The following RORA variants were observed in gnomAD, a reference collection of about 807,000 sequenced individuals.
RORA encodes the protein RAR related orphan receptor A.
In RORA, 7 loss-of-function variants were observed where a neutral mutation model predicts 69.5. The observed-to-expected ratio is 0.10, with a 90% CI of 0.06 to 0.19. The LOEUF (loss-of-function observed/expected upper bound fraction) is 0.19. Ranked by LOEUF, RORA falls within the 10% of genes least tolerant of loss-of-function variation. The pLI is 1.00. For synonymous variants in RORA, 261 were observed against 240.8 expected (o/e 1.08, Z -0.78); for missense variants, 457 against 663.0 (o/e 0.69, Z 3.41).
chr15:60,911,859 G>GTTTT lies in RORA; in HGVS notation c.167-233177_167-233174dup, dbSNP rs35017718. On this transcript the variant is annotated intron_variant, in intron 1 of 10. Coordinates refer to ENST00000335670, the MANE Select transcript of RORA (RefSeq NM_134261.3). ...GGATTACAGACGTGCACCTGGCTAA[G>GTTTT]TTTTTTTTTTTTTGTATTTTTACAA... Among the ~76,000 whole-genome samples the GTTTT allele has an allele frequency of 7.7e-3, 1,106 of 144,190 alleles. 10 individuals are homozygous for GTTTT. The highest frequency in any genetic ancestry group is 0.023 in the African/African-American group (916 of 39,134). The allele number at this position is 144,190 out of a possible 152,430, so 94.6% of individuals were successfully genotyped here. A position where few individuals can be genotyped will look rare whatever the true frequency, so the allele number is the denominator to read the frequency against.
chr15:60,786,702 A>G (rs954895491), intron 1 of RORA, among the ~76,000 whole-genome samples: 2 of 152,360 alleles, frequency 1.3e-5, no homozygotes, highest in Middle Eastern at 6.8e-3. Flanking sequence ...CACACTGCCC[A>G]TCTGCCCTGA....
chr15:60,847,814 A>C (rs2073282788), intron 1 of RORA: 1 of 152,218 alleles, frequency 6.6e-6, no homozygotes, highest in Non-Finnish European at 1.5e-5. Flanking sequence ...TTACTTCTTA[A>C]CATGTGGCTA....
intron 1 of RORA, among the ~76,000 whole-genome samples, chr15:60,789,990 C>A (rs961859325): frequency 5.3e-5 from 8 of 152,198 alleles, no homozygotes; most frequent in Admixed American, 1.3e-4. Context: ...GATGATACAA[C>A]CGATAAGTGT....
At chr15:61,018,183 C>T (rs1895372139) in intron 1 of RORA, among the ~76,000 whole-genome samples, 1 of 152,112 alleles carries the variant, frequency 6.6e-6, no homozygotes, top group East Asian at 1.9e-4. Flanking sequence ...CGTAATTGTC[C>T]ATAATCCAGG....
At chr15:61,097,976 T>C (rs2078815806) in intron 1 of RORA, among the ~76,000 whole-genome samples, 1 of 152,220 alleles carries the variant, frequency 6.6e-6, no homozygotes, top group South Asian at 2.1e-4. Flanking sequence ...CCAAGTTTTC[T>C]GCCTGGTATG....
At chr15:60,753,715 C>A (rs916040390) in intron 1 of RORA, among the ~76,000 whole-genome samples, 1 of 152,180 alleles carries the variant, frequency 6.6e-6, no homozygotes, top group Non-Finnish European at 1.5e-5. Context: ...TTTTTTGGAA[C>A]CTGACAAGCT....
intron 1 of RORA, among the ~76,000 whole-genome samples, chr15:61,159,852 T>C (rs902848571): frequency 6.6e-6 from 1 of 152,194 alleles, no homozygotes; most frequent in Non-Finnish European, 1.5e-5. Context: ...ATTTGTTTGC[T>C]CAACTAGAAA....
intron 1 of RORA, among the ~76,000 whole-genome samples, chr15:61,202,313 C>T (rs1302559652): frequency 1.3e-5 from 2 of 152,068 alleles, no homozygotes; most frequent in Non-Finnish European, 2.9e-5. Flanking sequence ...CCCGGCCCAA[C>T]CCTACTTGAT....
At chr15:60,497,974 G>T (rs1438115320) in intron 10 of RORA, among the ~76,000 whole-genome samples, 1 of 152,118 alleles carries the variant, frequency 6.6e-6, no homozygotes, top group East Asian at 1.9e-4. Flanking sequence ...CAGGAGAATT[G>T]CTAGAACCCG....
intron 1 of RORA, among the ~76,000 whole-genome samples, chr15:60,898,509 A>AAATG (rs1891292561): frequency 1.5e-5 from 2 of 133,414 alleles, no homozygotes; most frequent in Non-Finnish European, 3.2e-5. Context: ...AAAAATAAAT[A>AAATG]AATAAATAAA....
intron 1 of RORA, among the ~76,000 whole-genome samples, chr15:61,009,868 T>C (rs1566942386): frequency 1.3e-5 from 2 of 152,300 alleles, no homozygotes; most frequent in South Asian, 4.1e-4. Flanking sequence ...TGTTCATCTG[T>C]AGGAAATAAA....
intron 1 of RORA, among the ~76,000 whole-genome samples, chr15:60,700,763 A>T (rs2070970776): frequency 6.6e-6 from 1 of 152,054 alleles, no homozygotes; most frequent in Admixed American, 6.5e-5. Flanking sequence ...TCTTCTAGGG[A>T]TGCTCTTTCC....
At chr15:61,183,412 G>A (rs2140906782) in intron 1 of RORA, among the ~76,000 whole-genome samples, 2 of 151,996 alleles carry the variant, frequency 1.3e-5, no homozygotes, top group African/African-American at 4.8e-5. Context: ...GCAAACACCT[G>A]TAATCCCACC....
At chr15:61,083,944 G>T (rs782907) in intron 1 of RORA, among the ~76,000 whole-genome samples, 3 of 151,938 alleles carry the variant, frequency 2.0e-5, no homozygotes, top group African/African-American at 7.3e-5. Flanking sequence ...CCACTCATGC[G>T]CAGAAAGCTC....
At chr15:60,551,805 T>C (rs2067234390) in intron 2 of RORA, among the ~76,000 whole-genome samples, 1 of 152,228 alleles carries the variant, frequency 6.6e-6, no homozygotes, top group Non-Finnish European at 1.5e-5. Context: ...GTAAAGTGAC[T>C]GTCCTAAGGT....
Position 60,503,657 on chromosome 15 carries a change from A to C in RORA, c.953T>G (p.Val318Gly), listed in dbSNP as rs1595871000. The C allele has an allele frequency of 6.2e-7, 1 of 1,613,592 alleles. No individual in the cohort carries two copies. Among genetic ancestry groups the C allele is most frequent in the Non-Finnish European group, 8.5e-7 (1 of 1,179,900 alleles). Residue 318 changes from valine to glycine, a missense_variant, in exon 7 of 11, where the codon GTG becomes GGG. Val to Gly is a moderately radical substitution (Grantham distance 109). Around this residue, in one of 3 missense-constraint regions of RORA, gnomAD observed 304 missense variants for 447.4 expected, o/e 0.68. Transcript: ENST00000335670. ...TTTGATGGCACACAATTGCCACATC[A>C]CCTCCCGCTGCTGTTAAAGAGGGAA... is the stretch of plus-strand genomic sequence containing the variant. ...IENYQNKQRE[V>G]MWQLCAIKIT...
intron 1 of RORA, among the ~76,000 whole-genome samples, chr15:61,045,403 C>T (rs1896971861): frequency 6.6e-6 from 1 of 152,194 alleles, no homozygotes; most frequent in Non-Finnish European, 1.5e-5. Flanking sequence ...TCGGGAATAC[C>T]TGGGTTATAA....
chr15:60,776,939 C>T lies in RORA; in HGVS notation c.167-98253G>A, dbSNP rs145181855. ...ATTTCTTGTATTTACTGCTAATTGT[C>T]TGTCTTCTCTCTGCAGAAATATATG... is the stretch of plus-strand genomic sequence containing the variant. On this transcript the variant is annotated intron_variant, in intron 1 of 10. Transcript: ENST00000335670. 6.3e-3 allele frequency among the ~76,000 whole-genome samples: 961 copies of T among 152,250 alleles called. 9 individuals carry two copies. Among genetic ancestry groups the T allele is most frequent in the African/African-American group, 0.022 (923 of 41,552 alleles).
intron 1 of RORA, among the ~76,000 whole-genome samples, chr15:61,054,850 G>A (rs1029686173): frequency 6.8e-6 from 1 of 147,672 alleles, no homozygotes; most frequent in Non-Finnish European, 1.5e-5. Flanking sequence ...TGGTGGGGGA[G>A]CAGTGAGGCA....
Sources: gnomAD v4.1 joint callset for allele counts (sites outside exome capture counted in the v4.1 genomes callset) on GRCh38, gnomAD v4.1.1 for gene constraint, gnomAD v4.1.1 regional missense constraint, MANE v1.5 for transcripts, NCBI Gene and HGNC (gene_info 2026-07-23, HGNC 2026-07-21) for gene names.